The following PHKG1 variants were observed in gnomAD, a reference collection of about 807,000 sequenced individuals.
The protein encoded by PHKG1 is phosphorylase kinase catalytic subunit gamma 1.
PHKG1 carries 48 observed loss-of-function variants against 50.5 expected under a neutral mutation model. The ratio of observed to expected loss-of-function variants is 0.95; its 90% CI spans 0.75 to 1.21. The LOEUF is 1.21. PHKG1 is among the 50% of genes most tolerant of loss of function. PHKG1 has a pLI of 0.00. For synonymous variants in PHKG1, 204 were observed against 212.8 expected (o/e 0.96, Z 0.36); for missense variants, 487 against 519.5 (o/e 0.94, Z 0.61).
intron 4 of PHKG1, 54 bp from the exon 5 acceptor site, chr7:56,083,769 T>G: frequency 8.1e-7 from 1 of 1,241,968 alleles, no homozygotes; most frequent in Non-Finnish European, 1.2e-6. Flanking sequence ...CCACTGCCCT[T>G]ACCCTGCTCC....
intron 2 of PHKG1, 196 bp downstream of exon 2, chr7:56,088,663 A>C: frequency 6.2e-6 from 3 of 487,762 alleles, no homozygotes; most frequent in East Asian, 3.4e-5. Context: ...GCCCCTGGGA[A>C]CTTTTTGCTG....
intron 4 of PHKG1, 67 bp downstream of exon 4, chr7:56,086,903 G>A (rs1796274656): frequency 1.6e-6 from 2 of 1,221,712 alleles, no homozygotes; most frequent in South Asian, 2.4e-5. Context: ...GGCAGCCCTG[G>A]GGTTGGGGAG....
chr7:56,092,200 T>C (rs1386287624), intron 1 of PHKG1, among the ~76,000 whole-genome samples: 1 of 152,160 alleles, frequency 6.6e-6, no homozygotes, highest in African/African-American at 2.4e-5. Context: ...ACTTTGTGCC[T>C]CTGTCTACTG....
In PHKG1 at chr7:56,083,696, A is replaced by C; in HGVS notation, c.337T>G (p.Phe113Val). 2 of 1,582,586 alleles carry C rather than the reference A, an allele frequency of 1.3e-6. No homozygotes were observed. The highest frequency in any genetic ancestry group is 1.7e-6 in the Non-Finnish European group (2 of 1,161,270). ...VFDLMKRGEL[F>V]DYLTEKVTLS... ...GTGACCTTCTCAGTGAGGTAGTCAAAGAGCTCCCCTCTCTTCATCCTGTGG... is the reference window on the plus strand; with the variant it reads ...GTGACCTTCTCAGTGAGGTAGTCAACGAGCTCCCCTCTCTTCATCCTGTGG... Residue 113 changes from phenylalanine to valine, a missense_variant, in exon 5 of 10, where the codon TTT becomes GTT. Physicochemically the swap from Phe to Val is conservative, Grantham distance 50. Transcript: ENST00000297373.
chr7:56,083,363 C>T lies in PHKG1; in HGVS notation c.462G>A (p.Glu154=). 1.2e-6 allele frequency: 2 copies of T among 1,614,148 alleles called. No individual in the cohort carries two copies. Among genetic ancestry groups the T allele is most frequent in the Non-Finnish European group, 8.5e-7 (1 of 1,180,018 alleles). Residue 154 remains glutamate (E), a synonymous_variant, in exon 6 of 10, where the codon GAG becomes GAA. Transcript: ENST00000297373. ...TCATGTTGTCATCCAAGAGAATGTT[C>T]TCGGGCTTCAGGTCCCGGTGCACGA... is the stretch of plus-strand genomic sequence containing the variant. The part of the protein sequence containing the change: ...LNIVHRDLKP[E]NILLDDNMNI...
In PHKG1 at chr7:56,081,932, C is replaced by A. The variant is rs547904081; in HGVS notation, c.753G>T (p.Ser251=). ...MIMSGNYQFG[S]PEWDDYSDTV... is the part of the protein sequence containing the mutation. ...TGTCCGAGTAATCATCCCACTCGGG[C>A]GAGCCAAACTGGTAGTTGCCGCTCA... The change falls in exon 8 of 10, where the codon TCG becomes TCT. Residue 251 remains serine, a synonymous_variant. Transcript: ENST00000297373. This position sits in a 1 kb window ranked among gnomAD's most constrained non-coding sequence, Gnocchi z 4.6. The A allele has an allele frequency of 6.2e-7, 1 of 1,613,538 alleles. No individual in the cohort carries two copies. The highest frequency in any genetic ancestry group is 8.5e-7 in the Non-Finnish European group (1 of 1,179,960).
At chr7:56,083,250 G>A (rs1048926710) in intron 6 of PHKG1, 28 bp downstream of exon 6, 1 of 1,611,260 alleles carries the variant, frequency 6.2e-7, no homozygotes. Context: ...CCGAGGCCTG[G>A]ACGTGGGCCA....
chr7:56,084,235 G>A, intron 4 of PHKG1: 8 of 1,526,764 alleles, frequency 5.2e-6, no homozygotes, highest in Non-Finnish European at 7.0e-6. Context: ...TTGTATCAGT[G>A]TCTTCCCATC....
At chr7:56,084,643 G>A (rs1796176086) in intron 4 of PHKG1, among the ~76,000 whole-genome samples, 1 of 151,894 alleles carries the variant, frequency 6.6e-6, no homozygotes. Flanking sequence ...AAAGTGTTGG[G>A]ATTACAGGCG....
chr7:56,088,866 G>C lies in PHKG1; in HGVS notation c.76C>G (p.Leu26Val). ...FYENYEPKEI[L>V]GRGVSSVVRR... ...GGAAAGCTTGGGCTTTACCTGCCCAGGATCTCTTTGGGCTCATAATTCTCA... is the reference window on the plus strand; with the variant it reads ...GGAAAGCTTGGGCTTTACCTGCCCACGATCTCTTTGGGCTCATAATTCTCA... Residue 26 changes from leucine (L) to valine (V), a missense_variant, in exon 2 of 10, where the codon CTG (leucine) becomes GTG (valine). Leu to Val is a conservative substitution (Grantham distance 32). Coordinates refer to ENST00000297373, the MANE Select transcript of PHKG1 (RefSeq NM_006213.5). The C allele has an allele frequency of 6.2e-7, 1 of 1,611,518 alleles. No homozygotes were observed. The highest frequency in any genetic ancestry group is 8.5e-7 in the Non-Finnish European group (1 of 1,178,188).
chr7:56,084,206 C>T lies in PHKG1; in HGVS notation c.318-491G>A, dbSNP rs1796151521. 2.0e-6 allele frequency: 3 copies of T among 1,534,626 alleles called. No individual in the cohort carries two copies. In the South Asian group the frequency reaches 3.6e-5, roughly 18 times the overall value. The stretch of plus-strand genomic sequence containing the variant: ...CTTGGGAGAGTCCCAGCCCAAGCAC[C>T]ATTTCTGTTCCATCTCCATTGTATC... On this transcript the variant is annotated intron_variant, in intron 4 of 9. Coordinates refer to ENST00000297373, the MANE Select transcript of PHKG1 (RefSeq NM_006213.5).
rs1796000786 is a variant in PHKG1 at position 56,081,697 on chromosome 7, G to A, written c.851C>T (p.Ala284Val). The A allele has an allele frequency of 6.2e-7, 1 of 1,613,768 alleles. No homozygotes were observed. The highest frequency in any genetic ancestry group is 1.7e-5 in the Admixed American group (1 of 59,992). Residue 284 changes from alanine to valine, a missense_variant, in exon 9 of 10, where the codon GCA (alanine) becomes GTA (valine). Coordinates refer to ENST00000297373, the MANE Select transcript of PHKG1 (RefSeq NM_006213.5). This position sits in a 1 kb window ranked among gnomAD's most constrained non-coding sequence, Gnocchi z 4.6. ...QNRYTAEEALAHPFFQQYLVE... is the reference protein window; with the variant it reads ...QNRYTAEEALVHPFFQQYLVE... Reference sequence around the variant, plus strand: ...CAAGTACTGCTGGAAGAAGGGGTGTGCCAAGGCCTCTTCCGCTGTGTAGCG... The same window carrying A: ...CAAGTACTGCTGGAAGAAGGGGTGTACCAAGGCCTCTTCCGCTGTGTAGCG...
chr7:56,092,552 C>T (rs539954654), intron 1 of PHKG1, among the ~76,000 whole-genome samples: 1 of 152,274 alleles, frequency 6.6e-6, no homozygotes, highest in African/African-American at 2.4e-5. Flanking sequence ...GGATTATAGG[C>T]ATGAGCCATC....
chr7:56,080,935 C>T lies in PHKG1; in HGVS notation c.*119G>A, dbSNP rs1795941594. On this transcript the variant is annotated 3_prime_UTR_variant, in exon 10 of 10. Transcript: ENST00000297373. ...GATCGTGGCCTCAGTTCCAGGGGTT[C>T]CTGGCCAGGGCCAAGTGCTCCTTCT... 8.1e-7 allele frequency: 1 copy of T among 1,239,918 alleles called. No homozygotes were observed. Among genetic ancestry groups the T allele is most frequent in the Non-Finnish European group, 1.1e-6 (1 of 900,052 alleles). 76.8% of individuals were successfully genotyped at this position (1,239,918 alleles called of 1,614,324 possible).
intron 4 of PHKG1, among the ~76,000 whole-genome samples, chr7:56,084,825 G>T (rs1347409385): frequency 6.6e-6 from 1 of 152,168 alleles, no homozygotes; most frequent in African/African-American, 2.4e-5. Context: ...GAACAATCTA[G>T]TTATACCCTG....
At position 56,086,991 on chromosome 7, in the gene PHKG1, A is replaced by C; in HGVS notation, c.296T>G (p.Phe99Cys). The C allele has an allele frequency of 6.2e-7, 1 of 1,613,344 alleles. No homozygotes were observed. The highest frequency in any genetic ancestry group is 2.2e-5 in the East Asian group (1 of 44,832). Residue 99 changes from phenylalanine to cysteine, a missense_variant, in exon 4 of 10, where the codon TTC becomes TGC. Transcript: ENST00000297373. ...TTACAGGTCAAACACCAAGAAGAAG[A>C]AAGTGTTGGTCTCATAAGTGTCCTT... The part of the protein sequence containing the change: ...QLKDTYETNT[F>C]FFLVFDLMKR...
chr7:56,082,475 C>A (rs1796053702), intron 6 of PHKG1, among the ~76,000 whole-genome samples: 2 of 152,126 alleles, frequency 1.3e-5, no homozygotes, highest in African/African-American at 4.8e-5. Flanking sequence ...TGCCTGTAGT[C>A]CCAGCTACTC....
At chr7:56,082,130 AGCTGGGT>A in intron 7 of PHKG1, 26 bp downstream of exon 7, 1 of 1,611,060 alleles carries the variant, frequency 6.2e-7, no homozygotes, top group Non-Finnish European at 8.5e-7. Context: ...TGCCCAGCCT[AGCTGGGT>A]GCTCCTCCTT....
chr7:56,082,254 C>G lies in PHKG1; in HGVS notation c.548-1G>C, dbSNP rs781216239. 1.2e-6 allele frequency: 2 copies of G among 1,612,390 alleles called. No individual in the cohort carries two copies. Among genetic ancestry groups the G allele is most frequent in the Admixed American group, 3.3e-5 (2 of 59,996 alleles). ...AGGTAACTGGGGGTCCCGCAGACCT[C>G]TGCAGGAACAGTCATCATCAGGGCA... On this transcript the variant is annotated splice_acceptor_variant, in intron 6 of 9. Transcript: ENST00000297373. LOFTEE classifies it high-confidence loss of function.
Sources: allele counts gnomAD v4.1 joint callset (sites outside exome capture counted in the v4.1 genomes callset), GRCh38; gene constraint gnomAD v4.1.1; non-coding constraint Gnocchi (gnomAD v3.1); transcripts MANE v1.5; gene names NCBI Gene and HGNC (gene_info 2026-07-23, HGNC 2026-07-21).